Variants in TRERF1 observed in about 807,000 individuals in gnomAD.
TRERF1 encodes transcriptional-regulating factor 1.
Under a neutral mutation model 122.9 loss-of-function variants are expected in TRERF1, and 27 were observed. The observed-to-expected ratio is 0.22, with a 90% CI of 0.16 to 0.30. The LOEUF (loss-of-function observed/expected upper bound fraction) is 0.30, where lower values mean the gene tolerates loss of function less well. TRERF1 is among the 10% of genes least tolerant of loss of function. The probability of loss-of-function intolerance (pLI) is 1.00; values close to 1 mark genes in which losing one functional copy is unlikely to be tolerated. For missense variants in TRERF1, 1,248 were observed against 1,560.3 expected (o/e 0.80, Z 3.37); for synonymous variants, 636 against 641.7 (o/e 0.99, Z 0.13).
At chr6:42,229,713 C>A (rs1382957215) in intron 17 of TRERF1, among the ~76,000 whole-genome samples, 5 of 152,196 alleles carry the variant, frequency 3.3e-5, no homozygotes, top group Non-Finnish European at 7.3e-5. Flanking sequence ...AGAGGACACT[C>A]CCTCTTCGCC....
At chr6:42,398,315 T>C (rs1778916664) in intron 2 of TRERF1, among the ~76,000 whole-genome samples, 1 of 152,196 alleles carries the variant, frequency 6.6e-6, no homozygotes, top group Admixed American at 6.5e-5. Context: ...CATGTACCAT[T>C]TAAACCCAGG....
chr6:42,233,569 G>A lies in TRERF1; in HGVS notation c.3067-677C>T, dbSNP rs976116598. On this transcript the variant is annotated intron_variant, in intron 16 of 17. Coordinates refer to ENST00000372922, the Ensembl canonical transcript of TRERF1. The stretch of plus-strand genomic sequence containing the variant: ...CAAAGTGCTGGGATTACAGGCGTGA[G>A]CCACCACGCCTGGCCTCAAACTTTT... Among the ~76,000 whole-genome samples the A allele has an allele frequency of 7.2e-5, 11 of 152,184 alleles. No homozygotes were observed. In the East Asian group the frequency reaches 7.7e-4, roughly 11 times the overall value.
chr6:42,262,427 CTAGGGGCAGA>C (rs1281274471), intron 8 of TRERF1, among the ~76,000 whole-genome samples: 2 of 57,426 alleles, frequency 3.5e-5, no homozygotes, highest in African/African-American at 1.4e-4. Flanking sequence ...CACAAATTCC[CTAGGGGCAGA>C]GAGAGAGAGA....
intron 2 of TRERF1, among the ~76,000 whole-genome samples, chr6:42,375,711 T>C (rs527701586): frequency 1.2e-4 from 18 of 152,216 alleles, no homozygotes; most frequent in African/African-American, 4.3e-4. Context: ...TGAACTAAAC[T>C]GGTCTTGAAG....
rs62416700 is a variant in TRERF1 at position 42,438,100 on chromosome 6, T to G, written c.-454+13077A>C. Among the ~76,000 whole-genome samples the G allele has an allele frequency of 9.7e-3, 1,478 of 151,720 alleles. 12 individuals are homozygous for G. Among genetic ancestry groups the G allele is most frequent in the Non-Finnish European group, 0.015 (1,042 of 67,866 alleles). ...CCATACCTGGCTAATTTTTGTATTT[T>G]CAGTAGAGATGGGGTTTCACCATGT... On this transcript the variant is annotated intron_variant, in intron 2 of 17. Coordinates refer to ENST00000372922, the Ensembl canonical transcript of TRERF1.
Position 42,394,389 on chromosome 6 carries a change from G to A in TRERF1, c.-453-31310C>T, listed in dbSNP as rs532145615. ...TTGGAAGGCACAGCAGAGAAGCCAG[G>A]CACAGCCAGTAATTCATGAGCACCC... On this transcript the variant is annotated intron_variant, in intron 2 of 17. Coordinates refer to ENST00000372922, the Ensembl canonical transcript of TRERF1. Among the ~76,000 whole-genome samples the A allele has an allele frequency of 3.5e-4, 53 of 152,164 alleles. 2 individuals carry two copies. Among genetic ancestry groups the A allele is most frequent in the Non-Finnish European group, 1.5e-5 (1 of 68,028 alleles).
At chr6:42,233,496 A>G (rs548853670) in intron 16 of TRERF1, among the ~76,000 whole-genome samples, 94 of 152,060 alleles carry the variant, frequency 6.2e-4, no homozygotes, top group African/African-American at 1.9e-3. Context: ...CGTGTTAGCC[A>G]GGATGGTCTC....
At chr6:42,349,469 G>C (rs1768983162) in intron 3 of TRERF1, among the ~76,000 whole-genome samples, 1 of 151,996 alleles carries the variant, frequency 6.6e-6, no homozygotes, top group South Asian at 2.1e-4. Context: ...TGAAAATATG[G>C]TTAAAGTAAT....
intron 2 of TRERF1, among the ~76,000 whole-genome samples, chr6:42,372,677 T>A (rs1252931506): frequency 1.3e-5 from 2 of 152,160 alleles, no homozygotes; most frequent in Non-Finnish European, 2.9e-5. Context: ...TGGCAGAGAA[T>A]CGCCTGCCAC....
intron 2 of TRERF1, among the ~76,000 whole-genome samples, chr6:42,443,481 T>C (rs946962330): frequency 2.0e-5 from 3 of 152,242 alleles, no homozygotes; most frequent in African/African-American, 7.2e-5. Context: ...ACAATCCTTA[T>C]TTGCAAAACA....
intron 17 of TRERF1, among the ~76,000 whole-genome samples, chr6:42,230,577 C>G (rs1397078050): frequency 1.3e-5 from 2 of 152,084 alleles, no homozygotes; most frequent in Admixed American, 6.6e-5. Context: ...AGCGGGAGAT[C>G]ACTGAGAGTC....
intron 2 of TRERF1, among the ~76,000 whole-genome samples, chr6:42,379,164 A>C (rs1466419723): frequency 6.6e-6 from 1 of 152,024 alleles, no homozygotes; most frequent in East Asian, 2.0e-4. Flanking sequence ...CACCCCCCAC[A>C]GTCTTTCCCT....
intron 14 of TRERF1, among the ~76,000 whole-genome samples, chr6:42,244,590 A>T (rs1774410838): frequency 6.6e-6 from 1 of 151,994 alleles, no homozygotes; most frequent in African/African-American, 2.4e-5. Flanking sequence ...TTGCAACTTG[A>T]TTTTTTTCTC....
In TRERF1 at chr6:42,226,354, C is replaced by G. The variant is rs1582374117; in HGVS notation, c.*1991G>C. The G allele has an allele frequency of 2.0e-5, 3 of 152,268 alleles. No homozygotes were observed. The South Asian group carries it at 6.2e-4, about 32-fold the overall frequency. 9.4% of individuals were successfully genotyped at this position (152,268 alleles called of 1,614,324 possible). A position where few individuals can be genotyped will look rare whatever the true frequency, so the allele number is the denominator to read the frequency against. On this transcript the variant is annotated 3_prime_UTR_variant, in exon 18 of 18. Coordinates refer to ENST00000372922, the Ensembl canonical transcript of TRERF1. ...GCTTCCATAGACCCAATAGCAGCACCCTTCTAGGCTTACCCTCAGACACTA... is the reference window on the plus strand; with the variant it reads ...GCTTCCATAGACCCAATAGCAGCACGCTTCTAGGCTTACCCTCAGACACTA...
At chr6:42,261,420 AG>A (rs1316052768) in intron 8 of TRERF1, among the ~76,000 whole-genome samples, 3 of 152,276 alleles carry the variant, frequency 2.0e-5, no homozygotes, top group African/African-American at 7.2e-5. Flanking sequence ...GAAGCCACCC[AG>A]GATGTCATAT....
At chr6:42,310,581 C>T (rs1217345409) in intron 3 of TRERF1, among the ~76,000 whole-genome samples, 2 of 152,180 alleles carry the variant, frequency 1.3e-5, no homozygotes, top group Non-Finnish European at 2.9e-5. Context: ...GTAGAGGCCA[C>T]GGATGCTGCT....
At chr6:42,380,367 C>T (rs1392610898) in intron 2 of TRERF1, among the ~76,000 whole-genome samples, 1 of 152,204 alleles carries the variant, frequency 6.6e-6, no homozygotes, top group Non-Finnish European at 1.5e-5. Context: ...ACTTCCCCGA[C>T]CACTGCTATT....
rs1322641469 is a variant in TRERF1, at chr6:42,425,359, C to CCG, written c.-454+25817_-454+25818insCG. ...ATGGAATAAATATGACAGCCCCCAACCAACCCCCTACATTTTACAGCAAAG... is the reference window on the plus strand; with the variant it reads ...ATGGAATAAATATGACAGCCCCCAACCGCAACCCCCTACATTTTACAGCAAAG... On this transcript the variant is annotated intron_variant, in intron 2 of 17. Coordinates refer to ENST00000372922, the Ensembl canonical transcript of TRERF1. 1.6e-4 allele frequency among the ~76,000 whole-genome samples: 24 copies of CCG among 147,680 alleles called. No individual in the cohort carries two copies. The East Asian group carries it at 4.4e-3, about 27-fold the overall frequency.
intron 2 of TRERF1, among the ~76,000 whole-genome samples, chr6:42,384,625 T>C (rs771136054): frequency 4.3e-4 from 65 of 152,198 alleles, no homozygotes; most frequent in African/African-American, 6.3e-4. Context: ...AATCAATCAA[T>C]AGGAAGCAAG....
Sources: gnomAD v4.1 joint callset for allele counts (sites outside exome capture counted in the v4.1 genomes callset) on GRCh38, gnomAD v4.1.1 for gene constraint, MANE v1.5 for transcripts, NCBI Gene and HGNC (gene_info 2026-07-23, HGNC 2026-07-21) for gene names.